The following ZNF425 variants were observed in gnomAD, a reference collection of about 807,000 sequenced individuals.
The protein encoded by ZNF425 is zinc finger protein 425.
Under a neutral mutation model 17.0 loss-of-function variants are expected in ZNF425, and 21 were observed. That is an observed-to-expected ratio of 1.23 (90% CI 0.88 to 1.78). The LOEUF is 1.78. Among genes scored for constraint, ZNF425 ranks in the 40% most tolerant of loss-of-function variants. The probability of loss-of-function intolerance (pLI) is 0.00; values close to 1 mark genes in which losing one functional copy is unlikely to be tolerated. For synonymous variants in ZNF425, 433 were observed against 384.1 expected (o/e 1.13, Z -1.49); for missense variants, 868 against 967.3 (o/e 0.90, Z 1.36).
Position 149,103,916 on chromosome 7 carries a change from C to T in ZNF425, c.1955G>A (p.Arg652Gln), listed in dbSNP as rs1826019635. The T allele has an allele frequency of 1.9e-6, 3 of 1,613,494 alleles. No individual in the cohort carries two copies. The highest frequency in any genetic ancestry group is 2.5e-6 in the Non-Finnish European group (3 of 1,179,934). The change falls in exon 4 of 4, where the codon CGG (arginine) becomes CAG (glutamine). Residue 652 changes from arginine to glutamine, a missense_variant. Around this residue, in one of 5 missense-constraint regions of ZNF425, gnomAD observed 437 missense variants for 444.2 expected, o/e 0.98. Transcript: ENST00000378061. Reference protein sequence around the residue: ...MCGKSFTQQYRLTEHIRVHSG... With the variant: ...MCGKSFTQQYQLTEHIRVHSG... ...GTGGACTCGAATGTGTTCTGTGAGCCGGTACTGTTGAGTGAAACTTTTGCC... is the reference window on the plus strand; with the variant it reads ...GTGGACTCGAATGTGTTCTGTGAGCTGGTACTGTTGAGTGAAACTTTTGCC...
At chr7:149,115,797 C>A (rs1229707635) in intron 2 of ZNF425, among the ~76,000 whole-genome samples, 1 of 152,068 alleles carries the variant, frequency 6.6e-6, no homozygotes, top group East Asian at 1.9e-4. Context: ...TACAGCTCAG[C>A]CCTCAGATCA....
chr7:149,125,899 T>A, intron 1 of ZNF425: 1 of 579,258 alleles, frequency 1.7e-6, no homozygotes, highest in Non-Finnish European at 3.1e-6. Flanking sequence ...CTAGCGCATA[T>A]ACAGCGCAGA....
rs764617125 is a variant in ZNF425, at chr7:149,118,295, C to T, written c.72G>A (p.Glu24=). The change falls in exon 2 of 4, where the codon GAG becomes GAA. Residue 24 remains glutamate (E), a synonymous_variant. Coordinates refer to ENST00000378061, the MANE Select transcript of ZNF425 (RefSeq NM_001001661.3). The part of the protein sequence containing the change: ...VALYFSEQEW[E]ILEKWQKQMY... ...TTTGCTTCTGCCACTTCTCCAGGAT[C>T]TCCCACTCTTGTTCCGAAAAATATA... 1.9e-6 allele frequency: 3 copies of T among 1,614,120 alleles called. No homozygotes were observed. The highest frequency in any genetic ancestry group is 2.5e-6 in the Non-Finnish European group (3 of 1,180,014).
At chr7:149,120,227 CAA>C (rs1466089400) in intron 1 of ZNF425, among the ~76,000 whole-genome samples, 1 of 152,050 alleles carries the variant, frequency 6.6e-6, no homozygotes, top group Non-Finnish European at 1.5e-5. Context: ...ACTAAAAATA[CAA>C]AAGTTAGCCG....
intron 2 of ZNF425, among the ~76,000 whole-genome samples, chr7:149,114,479 C>G (rs1376686506): frequency 1.3e-5 from 2 of 150,880 alleles, no homozygotes; most frequent in East Asian, 3.9e-4. Context: ...CTCACTGCAA[C>G]CTCCGCCTTC....
At chr7:149,118,675 C>T (rs1435757014) in intron 1 of ZNF425, 7 of 409,710 alleles carry the variant, frequency 1.7e-5, no homozygotes, top group Non-Finnish European at 2.9e-5. Flanking sequence ...ATTAGCTGGG[C>T]GTGATGGCAC....
intron 3 of ZNF425, among the ~76,000 whole-genome samples, chr7:149,109,143 T>A (rs1322613320): frequency 1.3e-5 from 2 of 150,870 alleles, no homozygotes; most frequent in African/African-American, 4.9e-5. Flanking sequence ...AGTGGCGCGA[T>A]CTTGGCTCAC....
intron 3 of ZNF425, among the ~76,000 whole-genome samples, chr7:149,109,753 A>C (rs1475081460): frequency 6.6e-6 from 1 of 152,206 alleles, no homozygotes; most frequent in African/African-American, 2.4e-5. Context: ...CATTATATAA[A>C]GTTTTTGCCC....
chr7:149,104,589 T>G lies in ZNF425; in HGVS notation c.1282A>C (p.Ser428Arg). 6.2e-7 allele frequency: 1 copy of G among 1,613,972 alleles called. No homozygotes were observed. The change falls in exon 4 of 4, where the codon AGC becomes CGC. Residue 428 changes from serine to arginine, a missense_variant. Physicochemically the swap from Ser to Arg is moderately radical, Grantham distance 110. Around this residue, in one of 5 missense-constraint regions of ZNF425, gnomAD observed 437 missense variants for 444.2 expected, o/e 0.98. Transcript: ENST00000378061. The surrounding 1 kb of genome is among the most constrained non-coding windows in gnomAD (Gnocchi z 4.3). ...TGCTGCAGCCCGTGGGCTTTCAGGC[T>G]TCTCTTGAGGCGGAAACTTTTGTTA... ...ECNKSFRLKR[S>R]LKAHGLQHIG... is the part of the protein sequence containing the mutation.
chr7:149,115,326 A>G (rs1826246707), intron 2 of ZNF425, among the ~76,000 whole-genome samples: 1 of 152,002 alleles, frequency 6.6e-6, no homozygotes, highest in Non-Finnish European at 1.5e-5. Context: ...ATTAAGAGGT[A>G]GAAAGTAATG....
chr7:149,126,264 G>A lies in ZNF425; in HGVS notation c.-51C>T. On this transcript the variant is annotated 5_prime_UTR_variant, in exon 1 of 4. Transcript: ENST00000378061. ...CCTGGCACGGCCTCCCCTCCGCTCC[G>A]CCCCAACCCAACTCCCAGGTACAGC... 6.3e-7 allele frequency: 1 copy of A among 1,594,380 alleles called. No homozygotes were observed. The highest frequency in any genetic ancestry group is 8.5e-7 in the Non-Finnish European group (1 of 1,171,216).
In ZNF425 at chr7:149,104,121, A is replaced by T. The variant is rs1248357918; in HGVS notation, c.1750T>A (p.Cys584Ser). Residue 584 changes from cysteine (C) to serine (S), a missense_variant, in exon 4 of 4, where the codon TGC (cysteine) becomes AGC (serine). Cys to Ser is a moderately radical substitution (Grantham distance 112). Transcript: ENST00000378061. This position sits in a 1 kb window ranked among gnomAD's most constrained non-coding sequence, Gnocchi z 4.3. ...RMHRDEKPFACGECDKTYTHQ... is the reference protein window; with the variant it reads ...RMHRDEKPFASGECDKTYTHQ... ...GTGTAGGTCTTGTCACACTCACCGC[A>T]CGCGAAGGGCTTCTCGTCCCTGTGC... 6.2e-7 allele frequency: 1 copy of T among 1,612,380 alleles called. No individual in the cohort carries two copies. The highest frequency in any genetic ancestry group is 1.1e-5 in the South Asian group (1 of 91,064).
chr7:149,115,100 ATTTT>A (rs71192755), intron 2 of ZNF425, among the ~76,000 whole-genome samples: 5 of 123,894 alleles, frequency 4.0e-5, no homozygotes, highest in African/African-American at 1.6e-4. Context: ...ACGCTGGCTA[ATTTT>A]TTTTTTTTTT....
Position 149,115,681 on chromosome 7 carries a change from C to T in ZNF425, c.145+2541G>A, listed in dbSNP as rs1181735597. ...CTCCAGCCTGGGTGACAGAGCGAGACTCCGTCAAAAAAAAAAAAAAAAAAG... is the reference window on the plus strand; with the variant it reads ...CTCCAGCCTGGGTGACAGAGCGAGATTCCGTCAAAAAAAAAAAAAAAAAAG... On this transcript the variant is annotated intron_variant, in intron 2 of 3. Coordinates refer to ENST00000378061, the MANE Select transcript of ZNF425 (RefSeq NM_001001661.3). 3.4e-5 allele frequency among the ~76,000 whole-genome samples: 5 copies of T among 146,556 alleles called. No individual in the cohort carries two copies. In the East Asian group the frequency reaches 1.0e-3, roughly 29 times the overall value.
intron 1 of ZNF425, among the ~76,000 whole-genome samples, chr7:149,124,074 C>T (rs1172987170): frequency 6.7e-6 from 1 of 148,216 alleles, no homozygotes; most frequent in Non-Finnish European, 1.5e-5. Flanking sequence ...GTCTTGATCT[C>T]CTGACCTCGT....
intron 2 of ZNF425, among the ~76,000 whole-genome samples, chr7:149,114,217 C>A (rs1477925413): frequency 6.9e-5 from 9 of 130,068 alleles, no homozygotes; most frequent in African/African-American, 1.6e-4. Flanking sequence ...CAACACCACG[C>A]CCAGCTAATT....
Position 149,126,182 on chromosome 7 carries a change from C to A in ZNF425, c.18+14G>T. ...GTTTCGACAGAGCCTGCATCCTCCACCGGCCCTTCTTACCGAAGCCGGCTC... is the reference window on the plus strand; with the variant it reads ...GTTTCGACAGAGCCTGCATCCTCCAACGGCCCTTCTTACCGAAGCCGGCTC... On this transcript the variant is annotated intron_variant, in intron 1 of 3. Coordinates refer to ENST00000378061, the MANE Select transcript of ZNF425 (RefSeq NM_001001661.3). 6.2e-7 allele frequency: 1 copy of A among 1,613,300 alleles called. No individual in the cohort carries two copies. The highest frequency in any genetic ancestry group is 8.5e-7 in the Non-Finnish European group (1 of 1,179,692).
At chr7:149,105,665 T>TTA (rs1826068980) in intron 3 of ZNF425, 99 bp from the exon 4 acceptor site, 2 of 823,464 alleles carry the variant, frequency 2.4e-6, no homozygotes, top group African/African-American at 3.8e-5. Context: ...TATTATTATT[T>TTA]TTTGCGATAG....
intron 3 of ZNF425, among the ~76,000 whole-genome samples, chr7:149,107,365 T>C: frequency 6.7e-6 from 1 of 150,060 alleles, no homozygotes; most frequent in African/African-American, 2.5e-5. Context: ...TGAGACAGAG[T>C]CTAGCTCTGT....
Sources: allele counts gnomAD v4.1 joint callset (sites outside exome capture counted in the v4.1 genomes callset), GRCh38; gene constraint gnomAD v4.1.1; regional missense constraint gnomAD v4.1.1; non-coding constraint Gnocchi (gnomAD v3.1); transcripts MANE v1.5; gene names NCBI Gene and HGNC (gene_info 2026-07-23, HGNC 2026-07-21).